PRKACB: variants seen among roughly 807,000 people sequenced by gnomAD.
PRKACB encodes the protein protein kinase cAMP-activated catalytic subunit beta.
In PRKACB, 16 loss-of-function variants were observed where a neutral mutation model predicts 51.4. The observed-to-expected ratio is 0.31, with a 90% CI of 0.21 to 0.47. The LOEUF (loss-of-function observed/expected upper bound fraction) is 0.47. Ranked by LOEUF, PRKACB falls within the 20% of genes least tolerant of loss-of-function variation. The probability of loss-of-function intolerance (pLI) is 1.00; values close to 1 mark genes in which losing one functional copy is unlikely to be tolerated. For synonymous variants in PRKACB, 147 were observed against 154.4 expected (o/e 0.95, Z 0.35); for missense variants, 309 against 464.5 (o/e 0.67, Z 3.08).
chr1:84,196,784 A>G (rs752402121), intron 6 of PRKACB, 42 bp downstream of exon 6: 2 of 1,536,824 alleles, frequency 1.3e-6, no homozygotes, highest in South Asian at 2.5e-5. Context: ...ATGAGAAAAT[A>G]CTAGGCAAGA....
Position 84,232,840 on chromosome 1 carries a change from T to C in PRKACB, c.1072-2340T>C, listed in dbSNP as rs373456955. 2.0e-5 allele frequency among the ~76,000 whole-genome samples: 3 copies of C among 152,228 alleles called. No individual in the cohort carries two copies. The South Asian group carries it at 6.2e-4, about 32-fold the overall frequency. On this transcript the variant is annotated intron_variant, in intron 9 of 9. Transcript: ENST00000370685. ...TGAGATGGGTTTCCTGAATACAGCA[T>C]ACTGATGGGTCTTGACTCTTTATCC...
At chr1:84,082,930 A>G (rs143421760) in intron 1 of PRKACB, among the ~76,000 whole-genome samples, 1 of 152,292 alleles carries the variant, frequency 6.6e-6, no homozygotes, top group Non-Finnish European at 1.5e-5. Flanking sequence ...ATTTTTTCTC[A>G]TTTAAGAATT....
At chr1:84,221,643 T>C (rs1056227331) in intron 9 of PRKACB, among the ~76,000 whole-genome samples, 1 of 152,054 alleles carries the variant, frequency 6.6e-6, no homozygotes. Context: ...TTTCTTTGCT[T>C]TAAGATTGTT....
chr1:84,100,879 G>A (rs1467022144), intron 1 of PRKACB, among the ~76,000 whole-genome samples: 1 of 152,126 alleles, frequency 6.6e-6, no homozygotes, highest in African/African-American at 2.4e-5. Flanking sequence ...CTTGTCCAAA[G>A]CCACACAGTT....
Position 84,126,585 on chromosome 1 carries a change from A to T in PRKACB, c.46+48214A>T, listed in dbSNP as rs191681054. On this transcript the variant is annotated intron_variant, in intron 1 of 8. Transcript: ENST00000370688. The stretch of plus-strand genomic sequence containing the variant: ...GGGACAGCCAACATGGTTTTGGAAA[A>T]GGCAAATTTGGGCAGGAAAACAGGA... Among the ~76,000 whole-genome samples the T allele has an allele frequency of 3.5e-4, 54 of 152,264 alleles. No homozygotes were observed. In the East Asian group the frequency reaches 9.5e-3, roughly 27 times the overall value.
intron 1 of PRKACB, among the ~76,000 whole-genome samples, chr1:84,090,055 C>A (rs548083760): frequency 6.6e-6 from 1 of 152,308 alleles, no homozygotes; most frequent in East Asian, 1.9e-4. Flanking sequence ...GAGAAAGCTG[C>A]ACAGAAGAAC....
intron 1 of PRKACB, among the ~76,000 whole-genome samples, chr1:84,172,504 G>A (rs2100836593): frequency 6.6e-6 from 1 of 151,772 alleles, no homozygotes; most frequent in East Asian, 1.9e-4. Context: ...CAGATGGAGA[G>A]CTGTTGGGAG....
intron 8 of PRKACB, among the ~76,000 whole-genome samples, chr1:84,212,511 G>T (rs184350053): frequency 5.4e-5 from 8 of 148,986 alleles, no homozygotes; most frequent in Non-Finnish European, 7.4e-5. Context: ...AAATTAAGGA[G>T]TCTATATATT....
chr1:84,207,249 C>A (rs1671473341), intron 8 of PRKACB, among the ~76,000 whole-genome samples: 1 of 152,246 alleles, frequency 6.6e-6, no homozygotes, highest in Non-Finnish European at 1.5e-5. Flanking sequence ...TGGGGTGGAT[C>A]ATAATCCTCT....
intron 5 of PRKACB, 111 bp downstream of exon 5, chr1:84,185,293 C>T (rs1465175605): frequency 7.2e-6 from 5 of 694,238 alleles, no homozygotes; most frequent in Non-Finnish European, 4.7e-6. Context: ...ATATTTTGGC[C>T]ATATGAAGCA....
chr1:84,193,253 G>A (rs1235624125), intron 5 of PRKACB, among the ~76,000 whole-genome samples: 2 of 152,062 alleles, frequency 1.3e-5, no homozygotes, highest in East Asian at 1.9e-4. Flanking sequence ...GGGAAAAGAG[G>A]GGACTCCCCA....
At chr1:84,145,599 A>G (rs1417437540) in intron 1 of PRKACB, among the ~76,000 whole-genome samples, 1 of 152,044 alleles carries the variant, frequency 6.6e-6, no homozygotes, top group African/African-American at 2.4e-5. Context: ...ACATTCTTCA[A>G]ACTATTTTTG....
chr1:84,200,796 G>A (rs753211160), intron 7 of PRKACB, among the ~76,000 whole-genome samples: 113 of 152,086 alleles, frequency 7.4e-4, no homozygotes, highest in Middle Eastern at 6.8e-3. Flanking sequence ...GTGGTCGTAG[G>A]TGTATGGACT....
intron 9 of PRKACB, among the ~76,000 whole-genome samples, chr1:84,227,008 G>C: frequency 6.6e-6 from 1 of 151,588 alleles, no homozygotes; most frequent in East Asian, 1.9e-4. Flanking sequence ...TTCCTGGAAT[G>C]AATACCATTA....
chr1:84,127,430 C>T (rs962753614), intron 1 of PRKACB, among the ~76,000 whole-genome samples: 1 of 152,096 alleles, frequency 6.6e-6, no homozygotes, highest in Non-Finnish European at 1.5e-5. Flanking sequence ...TTCAGCTCTG[C>T]AGGAGGGATA....
At chr1:84,211,822 G>T (rs1021894204) in intron 8 of PRKACB, among the ~76,000 whole-genome samples, 1 of 152,064 alleles carries the variant, frequency 6.6e-6, no homozygotes, top group Admixed American at 6.6e-5. Flanking sequence ...AAAGTGTTTA[G>T]CATAATGCCT....
In PRKACB at chr1:84,153,231, C is replaced by T. The variant is rs552114710; in HGVS notation, c.187+8683C>T. Among the ~76,000 whole-genome samples the T allele has an allele frequency of 2.6e-5, 4 of 152,024 alleles. No homozygotes were observed. In the East Asian group the frequency reaches 7.7e-4, roughly 29 times the overall value. ...AACAGTTAAAATAGTAACATCTGAA[C>T]ACAGATCGCCATAACAGATATAATA... On this transcript the variant is annotated intron_variant, in intron 1 of 9. Transcript: ENST00000370685.
intron 1 of PRKACB, among the ~76,000 whole-genome samples, chr1:84,150,026 A>G (rs1350227437): frequency 3.3e-5 from 5 of 152,150 alleles, no homozygotes; most frequent in African/African-American, 9.7e-5. Context: ...GCACTTTGGG[A>G]GGCTGAGGTG....
chr1:84,217,550 T>C (rs1400286728), intron 9 of PRKACB, among the ~76,000 whole-genome samples: 1 of 135,842 alleles, frequency 7.4e-6, no homozygotes, highest in African/African-American at 2.9e-5. Context: ...ATCCCATCAA[T>C]TTAGGAGTCC....
Sources: gnomAD v4.1 joint callset for allele counts (sites outside exome capture counted in the v4.1 genomes callset) on GRCh38, gnomAD v4.1.1 for gene constraint, MANE v1.5 for transcripts, NCBI Gene and HGNC (gene_info 2026-07-23, HGNC 2026-07-21) for gene names.